The following CHL1 variants were observed in gnomAD, a reference collection of about 807,000 sequenced individuals.
CHL1 encodes cell adhesion molecule L1 like, also known as neural cell adhesion molecule L1-like protein.
Under a neutral mutation model 141.9 loss-of-function variants are expected in CHL1, and 96 were observed. The ratio of observed to expected loss-of-function variants is 0.68; its 90% CI spans 0.57 to 0.80. The LOEUF (loss-of-function observed/expected upper bound fraction) is 0.80. Among genes scored for constraint, CHL1 ranks in the 30% least tolerant of loss-of-function variants. The pLI is 0.00. For synonymous variants in CHL1, 613 were observed against 502.2 expected (o/e 1.22, Z -2.95); for missense variants, 1,820 against 1,457.2 (o/e 1.25, Z -4.05).
intron 2 of CHL1, among the ~76,000 whole-genome samples, chr3:253,633 A>G (rs939327358): frequency 1.3e-5 from 2 of 152,178 alleles, no homozygotes; most frequent in African/African-American, 2.4e-5. Flanking sequence ...TCAAGTTAAC[A>G]TGTATTACTC....
rs146170014 is a variant in CHL1, at chr3:354,759, T to C, written c.1153T>C (p.Ser385Pro). The change falls in exon 11 of 28, where the codon TCC becomes CCC. Residue 385 changes from serine to proline, a missense_variant. Physicochemically the swap from Ser to Pro is moderately conservative, Grantham distance 74 (BLOSUM62 -1). Coordinates refer to ENST00000256509, the MANE Select transcript of CHL1 (RefSeq NM_006614.4). ...CACAATCAAGTGGAGAGTCAATGGCTCCCCAGTTGACAGTAAGTTTAAAAA... is the reference window on the plus strand; with the variant it reads ...CACAATCAAGTGGAGAGTCAATGGCCCCCCAGTTGACAGTAAGTTTAAAAA... ...QPTIKWRVNG[S>P]PVDNHPFAGD... 6.2e-7 allele frequency: 1 copy of C among 1,613,306 alleles called. No individual in the cohort carries two copies. The highest frequency in any genetic ancestry group is 1.1e-5 in the South Asian group (1 of 90,936).
intron 15 of CHL1, chr3:373,831 G>A (rs190726785): frequency 6.6e-6 from 1 of 150,960 alleles, no homozygotes; most frequent in South Asian, 2.1e-4. Context: ...TCCCTTGGCT[G>A]GGGGGAAGGG....
At chr3:306,978 G>A (rs1374373296) in intron 2 of CHL1, among the ~76,000 whole-genome samples, 1 of 152,118 alleles carries the variant, frequency 6.6e-6, no homozygotes, top group Non-Finnish European at 1.5e-5. Context: ...TACAACCTGA[G>A]AAATGGCCTT....
chr3:354,569 T>C (rs1027175051), intron 10 of CHL1, 71 bp from the exon 11 acceptor site: 1 of 1,520,620 alleles, frequency 6.6e-7, no homozygotes, highest in African/African-American at 1.4e-5. Flanking sequence ...AAAGTAGAAA[T>C]ACAGGCCTTA....
chr3:202,093 G>A (rs937982295), intron 1 of CHL1, among the ~76,000 whole-genome samples: 2 of 152,194 alleles, frequency 1.3e-5, no homozygotes, highest in Admixed American at 6.5e-5. Flanking sequence ...CAGCTTGCAG[G>A]TGTGTGGCAT....
chr3:401,462 C>A (rs905337682), intron 26 of CHL1, among the ~76,000 whole-genome samples, 164 bp from the exon 27 acceptor site: 2 of 152,088 alleles, frequency 1.3e-5, no homozygotes, highest in African/African-American at 4.8e-5. Flanking sequence ...AACAAAGAAG[C>A]AACTGATGGG....
At chr3:281,071 G>C (rs1696607852) in intron 2 of CHL1, among the ~76,000 whole-genome samples, 1 of 152,082 alleles carries the variant, frequency 6.6e-6, no homozygotes. Context: ...TGGTAGTAAT[G>C]ACTTGTATTA....
intron 2 of CHL1, among the ~76,000 whole-genome samples, chr3:252,087 G>C (rs566212892): frequency 1.1e-4 from 16 of 151,918 alleles, no homozygotes; most frequent in Admixed American, 9.2e-4. Flanking sequence ...TGTGTTACTT[G>C]TTTCTTATAA....
chr3:362,714 G>A (rs1202238030), intron 13 of CHL1, among the ~76,000 whole-genome samples: 3 of 152,160 alleles, frequency 2.0e-5, no homozygotes, highest in Non-Finnish European at 2.9e-5. Flanking sequence ...ATGGCTGAAT[G>A]TTGGAGGAAA....
intron 6 of CHL1, 94 bp downstream of exon 6, chr3:341,010 A>T: frequency 6.0e-6 from 8 of 1,324,632 alleles, no homozygotes; most frequent in Non-Finnish European, 8.4e-6. Flanking sequence ...AATAAAAAAT[A>T]AAGATCTCTT....
chr3:382,437 A>T, intron 17 of CHL1, 37 bp from the exon 18 acceptor site: 1 of 1,561,254 alleles, frequency 6.4e-7, no homozygotes, highest in African/African-American at 1.4e-5. Context: ...TCCATACTCC[A>T]TACATTCTAA....
rs924010417 is a variant in CHL1, at chr3:408,359, C to T, written c.*2648C>T. The T allele has an allele frequency of 1.3e-5, 2 of 151,970 alleles. No homozygotes were observed. Among genetic ancestry groups the T allele is most frequent in the African/African-American group, 4.8e-5 (2 of 41,394 alleles). 9.4% of individuals were successfully genotyped at this position (151,970 alleles called of 1,614,324 possible). ...GGGCATGAGTTCCTAGAGAACTGTCCAAGGGTTGGGAAAATCCAAATTCTC... is the reference window on the plus strand; with the variant it reads ...GGGCATGAGTTCCTAGAGAACTGTCTAAGGGTTGGGAAAATCCAAATTCTC... On this transcript the variant is annotated 3_prime_UTR_variant, in exon 28 of 28. Transcript: ENST00000256509.
chr3:329,335 C>A lies in CHL1; in HGVS notation c.385+981C>A, dbSNP rs1266324777. Among the ~76,000 whole-genome samples, 6 of 151,456 alleles carry A rather than the reference C, an allele frequency of 4.0e-5. No individual in the cohort carries two copies. The East Asian group carries it at 9.7e-4, about 25-fold the overall frequency. On this transcript the variant is annotated intron_variant, in intron 5 of 27. Coordinates refer to ENST00000256509, the MANE Select transcript of CHL1 (RefSeq NM_006614.4). The stretch of plus-strand genomic sequence containing the variant: ...ACTTGCAAAATATGAACACTTGATT[C>A]TGGGGGTGCAGAATGGCCACAAACT...
At chr3:266,257 T>C (rs946815075) in intron 2 of CHL1, among the ~76,000 whole-genome samples, 1 of 152,100 alleles carries the variant, frequency 6.6e-6, no homozygotes, top group Non-Finnish European at 1.5e-5. Flanking sequence ...TCTAAACTTG[T>C]AGGTCTAAAG....
At chr3:208,301 T>C (rs1699612007) in intron 1 of CHL1, among the ~76,000 whole-genome samples, 1 of 147,770 alleles carries the variant, frequency 6.8e-6, no homozygotes, top group Admixed American at 6.6e-5. Flanking sequence ...AAAAACCCAT[T>C]ACTGTATTTA....
chr3:198,980 A>G (rs1006034), intron 1 of CHL1, among the ~76,000 whole-genome samples: 19,557 of 152,240 alleles, frequency 0.13, 1,582 homozygotes, highest in East Asian at 0.4. Context: ...AAGAAAATAA[A>G]AAGTTTATCC....
chr3:317,790 A>G (rs776454350), intron 2 of CHL1, among the ~76,000 whole-genome samples: 2 of 151,824 alleles, frequency 1.3e-5, no homozygotes, highest in Non-Finnish European at 2.9e-5. Context: ...CACCTTTTGT[A>G]GTTAAGGCAG....
rs559614040 is a variant in CHL1, at chr3:284,264, A to G, written c.-94-35419A>G. ...ACAAGGAAGGACTTTCTGAGGTGAC[A>G]TTTAAGGTGAGAAATGAATAATAAG... is the stretch of plus-strand genomic sequence containing the variant. On this transcript the variant is annotated intron_variant, in intron 2 of 27. Transcript: ENST00000256509. Among the ~76,000 whole-genome samples, 109 of 152,336 alleles carry G rather than the reference A, an allele frequency of 7.2e-4. 1 individual carries two copies. Among genetic ancestry groups the G allele is most frequent in the African/African-American group, 2.5e-3 (105 of 41,586 alleles).
intron 1 of CHL1, among the ~76,000 whole-genome samples, chr3:198,271 G>A (rs1042688919): frequency 6.6e-6 from 1 of 152,040 alleles, no homozygotes; most frequent in Admixed American, 6.5e-5. Context: ...GAAGGGCGCC[G>A]GCGTCCAGTC....
Sources: gnomAD v4.1 joint callset for allele counts (sites outside exome capture counted in the v4.1 genomes callset) on GRCh38, gnomAD v4.1.1 for gene constraint, MANE v1.5 for transcripts, NCBI Gene and HGNC (gene_info 2026-07-23, HGNC 2026-07-21) for gene names.